Variants in ZNF316 observed in about 807,000 individuals in gnomAD.
ZNF316 encodes zinc finger protein 316.
In ZNF316, 23 loss-of-function variants were observed where a neutral mutation model predicts 75.6. The observed-to-expected ratio is 0.30, with a 90% CI of 0.22 to 0.43. The LOEUF is 0.43. Ranked by LOEUF, ZNF316 falls within the 20% of genes least tolerant of loss-of-function variation. The probability of loss-of-function intolerance (pLI) is 1.00; values close to 1 mark genes in which losing one functional copy is unlikely to be tolerated. For synonymous variants in ZNF316, 827 were observed against 666.2 expected, an observed-to-expected ratio of 1.24 and a Z score of -3.72; for missense variants, 1,266 against 1,409.4, an observed-to-expected ratio of 0.90 and a Z score of 1.63.
In ZNF316 at chr7:6,654,131, C is replaced by T; in HGVS notation, c.2535C>T (p.Asp845=). 7.4e-6 allele frequency: 9 copies of T among 1,220,726 alleles called. No homozygotes were observed. Among genetic ancestry groups the T allele is most frequent in the Non-Finnish European group, 9.2e-6 (9 of 980,054 alleles). 75.6% of individuals were successfully genotyped at this position (1,220,726 alleles called of 1,614,324 possible). Residue 845 remains aspartate (D), a synonymous_variant, in exon 9 of 9, where the codon GAC becomes GAT. Transcript: ENST00000382252. ...DCGKGFGHSS[D]FKRHRRTHTG... is the part of the protein sequence containing the mutation. Reference sequence around the variant, plus strand: ...GCAAGGGCTTCGGCCACAGCTCGGACTTCAAGCGGCATCGGCGCACGCACA... The same window carrying T: ...GCAAGGGCTTCGGCCACAGCTCGGATTTCAAGCGGCATCGGCGCACGCACA...
intron 8 of ZNF316, among the ~76,000 whole-genome samples, chr7:6,649,523 C>T (rs945210300): frequency 1.3e-5 from 2 of 152,214 alleles, no homozygotes; most frequent in African/African-American, 4.8e-5. Context: ...CAAACGCCCT[C>T]GGGGCCTTGT....
intron 7 of ZNF316, among the ~76,000 whole-genome samples, chr7:6,644,210 T>C (rs1779358836): frequency 6.6e-6 from 1 of 151,626 alleles, no homozygotes; most frequent in Non-Finnish European, 1.5e-5. Context: ...CCCTGAAGCC[T>C]CCAGGGGTGA....
intron 8 of ZNF316, among the ~76,000 whole-genome samples, chr7:6,651,374 G>T (rs1309157568): frequency 7.2e-5 from 11 of 151,878 alleles, no homozygotes; most frequent in Non-Finnish European, 1.3e-4. Flanking sequence ...ATAAAAAAAG[G>T]CTGGGCGCGG....
intron 2 of ZNF316, among the ~76,000 whole-genome samples, chr7:6,638,651 G>T (rs1779261067): frequency 6.6e-6 from 1 of 152,204 alleles, no homozygotes; most frequent in Non-Finnish European, 1.5e-5. Flanking sequence ...ATGAGGGTTT[G>T]GGGCCGGGTG....
chr7:6,643,101 G>A (rs1779340291), intron 6 of ZNF316, 28 bp downstream of exon 6: 6 of 1,232,824 alleles, frequency 4.9e-6, no homozygotes, highest in South Asian at 8.2e-5. Flanking sequence ...TTTGGGGCTT[G>A]GGTAACCTGG....
chr7:6,645,723 C>T lies in ZNF316; in HGVS notation c.706+1130C>T, dbSNP rs949304423. Reference sequence around the variant, plus strand: ...AAATAAAAAAAAAATAGGCTAGGTGCGGTGTCTCATGCCTGTAATCCCAGC... The same window carrying T: ...AAATAAAAAAAAAATAGGCTAGGTGTGGTGTCTCATGCCTGTAATCCCAGC... On this transcript the variant is annotated intron_variant, in intron 8 of 8. Transcript: ENST00000382252. Among the ~76,000 whole-genome samples the T allele has an allele frequency of 1.7e-4, 25 of 150,904 alleles. 1 individual carries two copies. The highest frequency in any genetic ancestry group is 5.3e-4 in the Admixed American group (8 of 15,108).
At chr7:6,644,835 C>T (rs1463347374) in intron 8 of ZNF316, among the ~76,000 whole-genome samples, 1 of 152,226 alleles carries the variant, frequency 6.6e-6, no homozygotes, top group Non-Finnish European at 1.5e-5. Context: ...GCGTTGGAGC[C>T]TGTGAATTTC....
chr7:6,653,237 A>AGAGGCG lies in ZNF316; in HGVS notation c.1647_1652dup (p.Glu550_Ala551dup), dbSNP rs1779546566. The AGAGGCG allele has an allele frequency of 2.4e-6, 3 of 1,225,800 alleles. No individual in the cohort carries two copies. Among genetic ancestry groups the AGAGGCG allele is most frequent in the Non-Finnish European group, 3.0e-6 (3 of 984,568 alleles). The allele number at this position is 1,225,800 out of a possible 1,614,324, so 75.9% of individuals were successfully genotyped here. ...GATCTGAAGTTGGCGAGGCGGACGG[A>AGAGGCG]GAGGCGGAGGCCGCGGCCGAGGAGA... is the stretch of plus-strand genomic sequence containing the variant. On this transcript the variant is annotated inframe_insertion, in exon 9 of 9. Coordinates refer to ENST00000382252, the MANE Select transcript of ZNF316 (RefSeq NM_001278559.2).
rs891212598 is a variant in ZNF316 at position 6,655,106 on chromosome 7, G to C, written c.*495G>C. The stretch of plus-strand genomic sequence containing the variant: ...TCAGTGAGAGACTTGGGCCCTCCCG[G>C]TCATCCGAGTCTGTCCCGAAGGTTT... On this transcript the variant is annotated 3_prime_UTR_variant, in exon 9 of 9. Coordinates refer to ENST00000382252, the MANE Select transcript of ZNF316 (RefSeq NM_001278559.2). The C allele has an allele frequency of 9.2e-5, 14 of 152,286 alleles. No individual in the cohort carries two copies. Among genetic ancestry groups the C allele is most frequent in the Admixed American group, 8.5e-4 (13 of 15,288 alleles). 9.4% of individuals were successfully genotyped at this position (152,286 alleles called of 1,614,324 possible). A position where few individuals can be genotyped will look rare whatever the true frequency, so the allele number is the denominator to read the frequency against.
At chr7:6,648,089 C>T (rs1034030948) in intron 8 of ZNF316, among the ~76,000 whole-genome samples, 1 of 152,196 alleles carries the variant, frequency 6.6e-6, no homozygotes, top group African/African-American at 2.4e-5. Flanking sequence ...TGGTGGGATT[C>T]TGGGTAAATG....
chr7:6,642,860 G>C lies in ZNF316; in HGVS notation c.355+96G>C. 8.1e-7 allele frequency: 1 copy of C among 1,232,004 alleles called. No homozygotes were observed. Among genetic ancestry groups the C allele is most frequent in the South Asian group, 4.1e-5 (1 of 24,178 alleles). The allele number at this position is 1,232,004 out of a possible 1,614,324, so 76.3% of individuals were successfully genotyped here. A position where few individuals can be genotyped will look rare whatever the true frequency, so the allele number is the denominator to read the frequency against. ...AGCCAGGAGGGCTCTTGGGCCGACA[G>C]GGTGGAGCTGAAACCCAGCTTTGCA... On this transcript the variant is annotated intron_variant, in intron 5 of 8. Transcript: ENST00000382252. The surrounding 1 kb of genome is among the most constrained non-coding windows in gnomAD (Gnocchi z 8.1).
At chr7:6,638,786 G>C (rs868131982) in intron 2 of ZNF316, among the ~76,000 whole-genome samples, 1 of 152,114 alleles carries the variant, frequency 6.6e-6, no homozygotes, top group Non-Finnish European at 1.5e-5. Flanking sequence ...CCTCTGGTTT[G>C]GGATTGATGC....
chr7:6,653,182 G>T lies in ZNF316; in HGVS notation c.1586G>T (p.Gly529Val). The change falls in exon 9 of 9, where the codon GGG (glycine) becomes GTG (valine). Residue 529 changes from glycine (G) to valine (V), a missense_variant. Coordinates refer to ENST00000382252, the MANE Select transcript of ZNF316 (RefSeq NM_001278559.2). ...REPGETAAAA[G>V]PEDTDPGPEG... is the part of the protein sequence containing the mutation. The stretch of plus-strand genomic sequence containing the variant: ...CCCGGCGAGACGGCGGCCGCCGCGG[G>T]GCCCGAGGACACGGACCCTGGGCCA... 1 of 1,212,016 alleles carries T rather than the reference G, an allele frequency of 8.3e-7. No homozygotes were observed. The highest frequency in any genetic ancestry group is 1.0e-6 in the Non-Finnish European group (1 of 975,572). The allele number at this position is 1,212,016 out of a possible 1,614,324, so 75.1% of individuals were successfully genotyped here.
At position 6,640,475 on chromosome 7, in the gene ZNF316, A is replaced by G. The variant is rs573593100; in HGVS notation, c.-167+1334A>G. ...GAGGCGCCACACACTTTTAAAGACG[A>G]CCAGATGTCCTGTGAACTCATTACT... is the stretch of plus-strand genomic sequence containing the variant. On this transcript the variant is annotated intron_variant, in intron 3 of 8. Transcript: ENST00000382252. This position sits in a 1 kb window ranked among gnomAD's most constrained non-coding sequence, Gnocchi z 5.1. Among the ~76,000 whole-genome samples, 1 of 152,234 alleles carries G rather than the reference A, an allele frequency of 6.6e-6. No homozygotes were observed. Among genetic ancestry groups the G allele is most frequent in the African/African-American group, 2.4e-5 (1 of 41,524 alleles).
In ZNF316 at chr7:6,637,406, C is replaced by G. The variant is rs959661376; in HGVS notation, c.-472C>G. 1 of 146,944 alleles carries G rather than the reference C, an allele frequency of 6.8e-6. No individual in the cohort carries two copies. Among genetic ancestry groups the G allele is most frequent in the Non-Finnish European group, 1.5e-5 (1 of 66,188 alleles). The allele number at this position is 146,944 out of a possible 1,614,324, so 9.1% of individuals were successfully genotyped here. On this transcript the variant is annotated 5_prime_UTR_variant, in exon 1 of 9. Coordinates refer to ENST00000382252, the MANE Select transcript of ZNF316 (RefSeq NM_001278559.2). This position sits in a 1 kb window ranked among gnomAD's most constrained non-coding sequence, Gnocchi z 6.2. ...TCCGCCGCCGGCCCGCAGGCCCCGG[C>G]CCCGGTGTCCGGCCCGTGGCTCGGC... is the stretch of plus-strand genomic sequence containing the variant.
chr7:6,644,053 G>A lies in ZNF316; in HGVS notation c.592+105G>A, dbSNP rs574447400. 5.1e-5 allele frequency: 60 copies of A among 1,172,554 alleles called. 2 individuals carry two copies. In the South Asian group the frequency reaches 1.8e-3, roughly 36 times the overall value. 72.6% of individuals were successfully genotyped at this position (1,172,554 alleles called of 1,614,324 possible). A position where few individuals can be genotyped will look rare whatever the true frequency, so the allele number is the denominator to read the frequency against. The stretch of plus-strand genomic sequence containing the variant: ...TTCAAATCCCAGGGTCTTTCCAAAG[G>A]TGGATGCTGGGCCCAGCCCACCTCC... On this transcript the variant is annotated intron_variant, in intron 7 of 8. Coordinates refer to ENST00000382252, the MANE Select transcript of ZNF316 (RefSeq NM_001278559.2).
rs1779621763 is a variant in ZNF316 at position 6,656,131 on chromosome 7, G to C, written c.*1520G>C. ...GGGTGGGAAGAGGGCCTGGGTGGTG[G>C]CGGTCAGTTAGCCTGGCTGGGTGAG... is the stretch of plus-strand genomic sequence containing the variant. On this transcript the variant is annotated 3_prime_UTR_variant, in exon 9 of 9. Transcript: ENST00000382252. 1 of 152,532 alleles carries C rather than the reference G, an allele frequency of 6.6e-6. No individual in the cohort carries two copies. The highest frequency in any genetic ancestry group is 6.5e-5 in the Admixed American group (1 of 15,280). The allele number at this position is 152,532 out of a possible 1,614,324, so 9.4% of individuals were successfully genotyped here.
intron 2 of ZNF316, among the ~76,000 whole-genome samples, chr7:6,638,262 C>G (rs1779254297): frequency 6.6e-6 from 1 of 151,434 alleles, no homozygotes; most frequent in African/African-American, 2.4e-5. Flanking sequence ...GAGATGGCCC[C>G]CGTGGAAATA....
Position 6,644,481 on chromosome 7 carries a change from A to C in ZNF316, c.594A>C (p.Gly198=), listed in dbSNP as rs898596357. 1 of 1,231,950 alleles carries C rather than the reference A, an allele frequency of 8.1e-7. No individual in the cohort carries two copies. The highest frequency in any genetic ancestry group is 1.0e-6 in the Non-Finnish European group (1 of 987,860). 76.3% of individuals were successfully genotyped at this position (1,231,950 alleles called of 1,614,324 possible). Residue 198 remains glycine, a splice_region_variant and synonymous_variant, in exon 8 of 9, where the codon GGA becomes GGC. Coordinates refer to ENST00000382252, the MANE Select transcript of ZNF316 (RefSeq NM_001278559.2). ...QENYGILVSL[G]YPIPKPDLIF... ...AGCCGCCGTCTGTTCTCCTGGCAGG[A>C]TACCCAATTCCCAAGCCCGATCTGA...
Sources: gnomAD v4.1 joint callset for allele counts (sites outside exome capture counted in the v4.1 genomes callset) on GRCh38, gnomAD v4.1.1 for gene constraint, Gnocchi (gnomAD v3.1) non-coding constraint, MANE v1.5 for transcripts, NCBI Gene and HGNC (gene_info 2026-07-23, HGNC 2026-07-21) for gene names.